The following ACAT2 variants were observed in gnomAD, a reference collection of about 807,000 sequenced individuals.
ACAT2 encodes the protein acetyl-CoA acetyltransferase, cytosolic.
A neutral mutation model predicts 37.1 loss-of-function variants in ACAT2; 26 were observed. The ratio of observed to expected loss-of-function variants is 0.70; its 90% CI spans 0.51 to 0.97. The LOEUF is 0.97. ACAT2 is among the 50% of genes least tolerant of loss of function. The pLI is 0.00. For missense variants in ACAT2, 468 were observed against 489.0 expected (o/e 0.96, Z 0.40); for synonymous variants, 156 against 163.6 (o/e 0.95, Z 0.35).
intron 6 of ACAT2, among the ~76,000 whole-genome samples, chr6:159,776,901 GTC>G (rs1780428090): frequency 1.3e-5 from 2 of 152,038 alleles, no homozygotes; most frequent in African/African-American, 4.8e-5. Flanking sequence ...CAATTCTCCT[GTC>G]TCAGCCTCCT....
chr6:159,778,511 A>G, intron 8 of ACAT2, 148 bp from the exon 9 acceptor site: 1 of 888,212 alleles, frequency 1.1e-6, no homozygotes, highest in Non-Finnish European at 1.7e-6. Flanking sequence ...ATTTTCACAA[A>G]GGTGTAAATT....
At chr6:159,773,518 G>C (rs953662996) in intron 4 of ACAT2, among the ~76,000 whole-genome samples, 3 of 152,186 alleles carry the variant, frequency 2.0e-5, no homozygotes, top group Admixed American at 2.0e-4. Flanking sequence ...AGCCTACGGG[G>C]CTTCCACTTT....
chr6:159,768,549 A>G lies in ACAT2; in HGVS notation c.411A>G (p.Ile137Met). 2.5e-6 allele frequency: 4 copies of G among 1,614,036 alleles called. No homozygotes were observed. The highest frequency in any genetic ancestry group is 2.2e-5 in the East Asian group (1 of 44,882). ...HLAYLRTGVK[I>M]GEMPLTDSIL... The stretch of plus-strand genomic sequence containing the variant: ...CTTACTTGAGAACAGGAGTAAAGAT[A>G]GGTGAGATGCCACTGACTGACAGTA... The change falls in exon 4 of 9, where the codon ATA becomes ATG. Residue 137 changes from isoleucine (I) to methionine (M), a missense_variant. Coordinates refer to ENST00000367048, the MANE Select transcript of ACAT2 (RefSeq NM_005891.3).
At chr6:159,774,664 C>T (rs1323736986) in intron 4 of ACAT2, among the ~76,000 whole-genome samples, 1 of 152,172 alleles carries the variant, frequency 6.6e-6, no homozygotes, top group East Asian at 1.9e-4. Flanking sequence ...TGGTCTCAAA[C>T]TCCTGGGCTC....
At chr6:159,778,432 A>G (rs1780480720) in intron 8 of ACAT2, 152 bp downstream of exon 8, 1 of 376,474 alleles carries the variant, frequency 2.7e-6, no homozygotes, top group Non-Finnish European at 4.5e-6. Context: ...TTTAAAAAAA[A>G]AAAAAAAAAA....
rs774242898 is a variant in ACAT2, at chr6:159,778,653, C to T, written c.1024-6C>T. The T allele has an allele frequency of 4.0e-5, 64 of 1,613,384 alleles. No individual in the cohort carries two copies. Among genetic ancestry groups the T allele is most frequent in the South Asian group, 5.5e-5 (5 of 91,020 alleles). On this transcript the variant is annotated splice_region_variant and splice_polypyrimidine_tract_variant and intron_variant, in intron 8 of 8. Transcript: ENST00000367048. ...TAAACAATCTAAATCTTTTCTCCCCCGTTAGGTCAATATTGAAGGAGGGGC... is the reference window on the plus strand; with the variant it reads ...TAAACAATCTAAATCTTTTCTCCCCTGTTAGGTCAATATTGAAGGAGGGGC...
intron 2 of ACAT2, among the ~76,000 whole-genome samples, chr6:159,766,072 A>T (rs915052897): frequency 6.6e-6 from 1 of 152,192 alleles, no homozygotes; most frequent in African/African-American, 2.4e-5. Context: ...TAAATTATGT[A>T]TTTCTTCCCA....
chr6:159,778,815 G>T lies in ACAT2; in HGVS notation c.1180G>T (p.Val394Phe). Residue 394 changes from valine (V) to phenylalanine (F), a missense_variant, in exon 9 of 9, where the codon GTT becomes TTT. Transcript: ENST00000367048. ...IGGGMGIAMCVQRE is the reference protein window; with the variant it reads ...IGGGMGIAMCFQRE The stretch of plus-strand genomic sequence containing the variant: ...GGGTGGGATGGGAATAGCAATGTGT[G>T]TTCAGAGAGAATGAATTGCTTAAAC... The T allele has an allele frequency of 6.2e-7, 1 of 1,614,152 alleles. No individual in the cohort carries two copies. The highest frequency in any genetic ancestry group is 2.2e-5 in the East Asian group (1 of 44,882).
intron 1 of ACAT2, chr6:159,762,358 C>A: frequency 7.8e-7 from 1 of 1,288,592 alleles, no homozygotes; most frequent in Non-Finnish European, 1.0e-6. Context: ...CGCACTCCGT[C>A]CCTCGTGCTT....
At chr6:159,777,644 A>T (rs1780448102) in intron 7 of ACAT2, among the ~76,000 whole-genome samples, 188 bp downstream of exon 7, 1 of 152,204 alleles carries the variant, frequency 6.6e-6, no homozygotes, top group African/African-American at 2.4e-5. Context: ...AGCTCACTGC[A>T]GCCTCAAAAC....
At chr6:159,771,207 C>T (rs1335137135) in intron 4 of ACAT2, among the ~76,000 whole-genome samples, 1 of 151,982 alleles carries the variant, frequency 6.6e-6, no homozygotes, top group African/African-American at 2.4e-5. Context: ...CATGGAGAAA[C>T]TCCATCTCTA....
chr6:159,767,937 A>C (rs1469569842), intron 3 of ACAT2, among the ~76,000 whole-genome samples: 1 of 152,222 alleles, frequency 6.6e-6, no homozygotes, highest in African/African-American at 2.4e-5. Flanking sequence ...AGATGATACC[A>C]TTCCCAGTTT....
intron 3 of ACAT2, among the ~76,000 whole-genome samples, chr6:159,767,641 G>A (rs1780275290): frequency 6.6e-6 from 1 of 152,208 alleles, no homozygotes; most frequent in African/African-American, 2.4e-5. Context: ...CCCTTCTCCA[G>A]TAGGTTTGCC....
chr6:159,765,578 C>T (rs1281129133), intron 2 of ACAT2, among the ~76,000 whole-genome samples: 8 of 151,648 alleles, frequency 5.3e-5, no homozygotes, highest in Admixed American at 2.6e-4. Context: ...TACAGGCGTG[C>T]ACCACCATGC....
chr6:159,768,686 C>T (rs1562477169), intron 4 of ACAT2, 58 bp downstream of exon 4: 1 of 1,236,772 alleles, frequency 8.1e-7, no homozygotes, highest in East Asian at 2.3e-5. Context: ...AGACCATATA[C>T]TAATCTGCTT....
intron 4 of ACAT2, among the ~76,000 whole-genome samples, chr6:159,768,846 T>A (rs1007091641): frequency 6.6e-6 from 1 of 152,228 alleles, no homozygotes; most frequent in African/African-American, 2.4e-5. Context: ...AGAGTTCTTC[T>A]GGATCAACCC....
intron 4 of ACAT2, among the ~76,000 whole-genome samples, chr6:159,774,094 A>G (rs1780378515): frequency 6.6e-6 from 1 of 152,254 alleles, no homozygotes; most frequent in African/African-American, 2.4e-5. Context: ...CCTGGGATAA[A>G]CTGATTGTCA....
chr6:159,778,680 A>G lies in ACAT2; in HGVS notation c.1045A>G (p.Ile349Val), dbSNP rs763694524. Residue 349 changes from isoleucine (I) to valine (V), a missense_variant, in exon 9 of 9, where the codon ATA becomes GTA. Transcript: ENST00000367048. The part of the protein sequence containing the change: ...PEKVNIEGGA[I>V]ALGHPLGASG... ...TTAGGTCAATATTGAAGGAGGGGCT[A>G]TAGCCTTGGGCCACCCTCTTGGAGC... is the stretch of plus-strand genomic sequence containing the variant. The G allele has an allele frequency of 3.7e-6, 6 of 1,614,094 alleles. No homozygotes were observed. The highest frequency in any genetic ancestry group is 2.7e-5 in the African/African-American group (2 of 74,940).
Position 159,775,165 on chromosome 6 carries a change from C to T in ACAT2, c.491-5C>T, listed in dbSNP as rs779925783. 1.2e-6 allele frequency: 2 copies of T among 1,612,382 alleles called. No individual in the cohort carries two copies. The highest frequency in any genetic ancestry group is 1.7e-5 in the Admixed American group (1 of 59,618). On this transcript the variant is annotated splice_region_variant and splice_polypyrimidine_tract_variant and intron_variant, in intron 4 of 8. Coordinates refer to ENST00000367048, the MANE Select transcript of ACAT2 (RefSeq NM_005891.3). ...TAGTTTTTTGCTGTTTTTCTCCTTT[C>T]CCAGCTGAAAATGTAGCCAAAAAAT...
Sources: gnomAD v4.1 joint callset for allele counts (sites outside exome capture counted in the v4.1 genomes callset) on GRCh38, gnomAD v4.1.1 for gene constraint, MANE v1.5 for transcripts, NCBI Gene and HGNC (gene_info 2026-07-23, HGNC 2026-07-21) for gene names.